IRS1: variants seen among roughly 807,000 people sequenced by gnomAD.
The protein encoded by IRS1 is insulin receptor substrate 1.
In IRS1, 34 loss-of-function variants were observed where a neutral mutation model predicts 65.6. The observed-to-expected ratio is 0.52, with a 90% CI of 0.39 to 0.69. The LOEUF is 0.69. IRS1 is among the 30% of genes least tolerant of loss of function. The probability of loss-of-function intolerance (pLI) is 0.00; values close to 1 mark genes in which losing one functional copy is unlikely to be tolerated. For synonymous variants in IRS1, 699 were observed against 683.5 expected (o/e 1.02, Z -0.35); for missense variants, 1,641 against 1,720.2 (o/e 0.95, Z 0.81).
Position 226,797,441 on chromosome 2 carries a change from G to T in IRS1, c.1298C>A (p.Ser433Tyr). The T allele has an allele frequency of 3.7e-6, 6 of 1,613,540 alleles. No individual in the cohort carries two copies. The highest frequency in any genetic ancestry group is 4.2e-6 in the Non-Finnish European group (5 of 1,179,936). ...GGFISSDEYG[S>Y]SPCDFRSSFR... ...GGAACTCCGGAAATCGCAGGGACTG[G>T]AGCCATACTCATCCGAGGAGATGAA... Residue 433 changes from serine to tyrosine, a missense_variant, in exon 1 of 2, where the codon TCC (serine) becomes TAC (tyrosine). Ser to Tyr is a moderately radical substitution (Grantham distance 144, BLOSUM62 -2). This residue lies in a region of IRS1 where 1,324 missense variants were observed against 1,361.0 expected (regional missense o/e 0.97). Transcript: ENST00000305123. This position sits in a 1 kb window ranked among gnomAD's most constrained non-coding sequence, Gnocchi z 8.1.
intron 1 of IRS1, among the ~76,000 whole-genome samples, chr2:226,788,533 A>G (rs141035590): frequency 1.3e-5 from 2 of 152,326 alleles, no homozygotes; most frequent in Non-Finnish European, 2.9e-5. Flanking sequence ...CTGCAAGAAT[A>G]CTATTAAAAT....
At chr2:226,786,824 A>G (rs1939498562) in intron 1 of IRS1, among the ~76,000 whole-genome samples, 1 of 151,808 alleles carries the variant, frequency 6.6e-6, no homozygotes, top group Admixed American at 6.5e-5. Flanking sequence ...TGTTTCTGTA[A>G]GAGACTACCA....
At chr2:226,790,445 C>T (rs972505065) in intron 1 of IRS1, among the ~76,000 whole-genome samples, 1 of 151,954 alleles carries the variant, frequency 6.6e-6, no homozygotes, top group Admixed American at 6.6e-5. Flanking sequence ...ACAATATATG[C>T]AACATTTTAT....
In IRS1 at chr2:226,798,481, G is replaced by C. The variant is rs1197383242; in HGVS notation, c.258C>G (p.Leu86=). 1 of 1,614,148 alleles carries C rather than the reference G, an allele frequency of 6.2e-7. No individual in the cohort carries two copies. Among genetic ancestry groups the C allele is most frequent in the Non-Finnish European group, 8.5e-7 (1 of 1,180,030 alleles). ...TGGCAAAGTGCTCGTCCCGGGTGTA[G>C]AGAGCCACCAGGTGCTTGTTCTTGG... ...ADSKNKHLVA[L]YTRDEHFAIA... is the part of the protein sequence containing the mutation. Residue 86 remains leucine (L), a synonymous_variant, in exon 1 of 2, where the codon CTC becomes CTG. Transcript: ENST00000305123. The surrounding 1 kb of genome is among the most constrained non-coding windows in gnomAD (Gnocchi z 9.4).
At chr2:226,748,014 C>A (rs1456892039) in intron 1 of IRS1, among the ~76,000 whole-genome samples, 1 of 151,094 alleles carries the variant, frequency 6.6e-6, no homozygotes, top group Non-Finnish European at 1.5e-5. Context: ...GTTTCACAAT[C>A]ATTTGCAAAG....
intron 1 of IRS1, among the ~76,000 whole-genome samples, chr2:226,748,707 T>G (rs1470824367): frequency 6.6e-6 from 1 of 152,130 alleles, no homozygotes; most frequent in Non-Finnish European, 1.5e-5. Flanking sequence ...AAATCATAGT[T>G]GCTGTTTCTG....
intron 1 of IRS1, chr2:226,792,493 A>C (rs1376696552): frequency 6.6e-6 from 1 of 152,446 alleles, no homozygotes; most frequent in Admixed American, 6.5e-5. Flanking sequence ...GCCAGAACTA[A>C]GAGGCTATGC....
At chr2:226,778,238 G>T (rs1478532628) in intron 1 of IRS1, among the ~76,000 whole-genome samples, 1 of 151,970 alleles carries the variant, frequency 6.6e-6, no homozygotes, top group Non-Finnish European at 1.5e-5. Context: ...ATAGCCTCAT[G>T]ATTTTTAAAA....
At chr2:226,791,451 C>T (rs1439678979) in intron 1 of IRS1, among the ~76,000 whole-genome samples, 1 of 152,224 alleles carries the variant, frequency 6.6e-6, no homozygotes, top group African/African-American at 2.4e-5. Context: ...GTGTGTGTTT[C>T]CGGCCCCCGT....
At chr2:226,739,304 G>C (rs1400821904) in intron 1 of IRS1, among the ~76,000 whole-genome samples, 1 of 152,148 alleles carries the variant, frequency 6.6e-6, no homozygotes, top group African/African-American at 2.4e-5. Flanking sequence ...GGCACATAAA[G>C]TTTAGCTACC....
intron 1 of IRS1, among the ~76,000 whole-genome samples, chr2:226,786,829 C>T (rs1469294374): frequency 6.8e-6 from 1 of 147,640 alleles, no homozygotes; most frequent in Non-Finnish European, 1.5e-5. Context: ...CTGTAAGAGA[C>T]TACCACAAAC....
intron 1 of IRS1, among the ~76,000 whole-genome samples, chr2:226,791,775 G>A (rs965916411): frequency 1.3e-5 from 2 of 151,964 alleles, no homozygotes; most frequent in African/African-American, 4.8e-5. Context: ...ACCCAGAGCC[G>A]CGCGGCTGTG....
At chr2:226,772,858 AT>A (rs911696436) in intron 1 of IRS1, among the ~76,000 whole-genome samples, 3 of 151,892 alleles carry the variant, frequency 2.0e-5, no homozygotes, top group Admixed American at 6.6e-5. Flanking sequence ...AAGACACTAA[AT>A]TTTTTTTCAC....
intron 1 of IRS1, among the ~76,000 whole-genome samples, chr2:226,743,170 C>CAA (rs555915601): frequency 7.2e-6 from 1 of 138,466 alleles, no homozygotes; most frequent in African/African-American, 2.6e-5. Context: ...GAAAAAAAAA[C>CAA]AAAAAAAAAA....
At chr2:226,763,253 T>A (rs1574649338) in intron 1 of IRS1, among the ~76,000 whole-genome samples, 1 of 152,170 alleles carries the variant, frequency 6.6e-6, no homozygotes, top group South Asian at 2.1e-4. Context: ...TACCATCCTA[T>A]TTTTGGTTTC....
chr2:226,771,686 C>A (rs1939167896), intron 1 of IRS1, among the ~76,000 whole-genome samples: 1 of 151,924 alleles, frequency 6.6e-6, no homozygotes, highest in South Asian at 2.1e-4. Flanking sequence ...CTTTAAGATG[C>A]TCATGCCTTC....
intron 1 of IRS1, among the ~76,000 whole-genome samples, chr2:226,785,820 G>C (rs1014598357): frequency 1.3e-5 from 2 of 150,788 alleles, no homozygotes; most frequent in Non-Finnish European, 2.9e-5. Context: ...GTATACATGT[G>C]CCATGCTGGT....
At chr2:226,749,972 G>A (rs868650046) in intron 1 of IRS1, among the ~76,000 whole-genome samples, 6 of 152,156 alleles carry the variant, frequency 3.9e-5, no homozygotes, top group African/African-American at 7.2e-5. Context: ...ATGAGTGGCC[G>A]AGAGTCGTGG....
intron 1 of IRS1, among the ~76,000 whole-genome samples, chr2:226,751,272 G>GTTTTTTTTT (rs1559148793): frequency 8.3e-6 from 1 of 120,660 alleles, no homozygotes; most frequent in Non-Finnish European, 1.7e-5. Flanking sequence ...CTCCACACGG[G>GTTTTTTTTT]TATTTTTTTT....
Sources: gnomAD v4.1 joint callset for allele counts (sites outside exome capture counted in the v4.1 genomes callset) on GRCh38, gnomAD v4.1.1 for gene constraint, gnomAD v4.1.1 regional missense constraint, Gnocchi (gnomAD v3.1) non-coding constraint, MANE v1.5 for transcripts, NCBI Gene and HGNC (gene_info 2026-07-23, HGNC 2026-07-21) for gene names.